IRAK1BP1: variants seen among roughly 807,000 people sequenced by gnomAD.
IRAK1BP1 encodes interleukin-1 receptor-associated kinase 1-binding protein 1.
Under a neutral mutation model 28.0 loss-of-function variants are expected in IRAK1BP1, and 24 were observed. The ratio of observed to expected loss-of-function variants is 0.86; its 90% confidence interval spans 0.62 to 1.20. The LOEUF is 1.20. Among genes scored for constraint, IRAK1BP1 ranks in the 50% most tolerant of loss-of-function variants. The pLI is 0.00. For synonymous variants in IRAK1BP1, 131 were observed against 116.3 expected (o/e 1.13, Z -0.81); for missense variants, 336 against 316.7 (o/e 1.06, Z -0.46).
the IRAK1BP1 span, chr6:78,978,706 C>A: frequency 6.3e-7 from 1 of 1,592,920 alleles, no homozygotes; most frequent in Non-Finnish European, 8.6e-7. Flanking sequence ...CTCCCACAGC[C>A]AATCTCTGAC....
At chr6:78,955,815 T>TC in the IRAK1BP1 span, 1 of 466,656 alleles carries the variant, frequency 2.1e-6, no homozygotes, top group Non-Finnish European at 3.9e-6. Context: ...ATTGGCTTAC[T>TC]CCAATAATTT....
chr6:78,973,944 ACT>A, the IRAK1BP1 span, among the ~76,000 whole-genome samples: 173 of 152,148 alleles, frequency 1.1e-3, no homozygotes, highest in African/African-American at 4.1e-3. Context: ...TTAACACCCC[ACT>A]GTCAACATTA....
downstream of IRAK1BP1, chr6:78,947,653 G>A: frequency 1.3e-6 from 2 of 1,489,302 alleles, no homozygotes; most frequent in Non-Finnish European, 9.4e-7. Context: ...TATATGCTTT[G>A]GAATTACTGA....
At chr6:78,949,453 A>G (rs2174739), downstream of IRAK1BP1, among the ~76,000 whole-genome samples, 69,225 of 151,776 alleles carry the variant, frequency 0.46, 16,391 homozygotes, top group East Asian at 0.69. Context: ...ATCATCTCAG[A>G]GCTGGGACCA....
intron 4 of IRAK1BP1, among the ~76,000 whole-genome samples, chr6:78,926,260 T>C (rs1772888233): frequency 6.6e-6 from 1 of 152,188 alleles, no homozygotes; most frequent in Admixed American, 6.5e-5. Flanking sequence ...GAAAGCAGTT[T>C]GGAGATTTTC....
chr6:78,893,306 G>GTATATATA (rs1355844985), intron 2 of IRAK1BP1, among the ~76,000 whole-genome samples: 3 of 97,856 alleles, frequency 3.1e-5, no homozygotes, highest in African/African-American at 1.2e-4. Flanking sequence ...GTGTGTGTGT[G>GTATATATA]TGTGTGTGTA....
At chr6:78,911,560 A>G (rs2127661869) in intron 4 of IRAK1BP1, among the ~76,000 whole-genome samples, 1 of 152,314 alleles carries the variant, frequency 6.6e-6, no homozygotes, top group Admixed American at 6.5e-5. Flanking sequence ...TTAAGTTGAA[A>G]ACTGATAACA....
chr6:78,954,712 G>A, the IRAK1BP1 span: 1 of 731,030 alleles, frequency 1.4e-6, no homozygotes, highest in Non-Finnish European at 2.2e-6. Context: ...AAATAATAAA[G>A]AAATAAACTA....
intron 4 of IRAK1BP1, among the ~76,000 whole-genome samples, chr6:78,926,730 C>T (rs1423311396): frequency 6.6e-6 from 1 of 152,062 alleles, no homozygotes; most frequent in Non-Finnish European, 1.5e-5. Flanking sequence ...CAACCATCCT[C>T]TACTCCCTAT....
chr6:78,931,633 G>A (rs1362289162), intron 4 of IRAK1BP1, among the ~76,000 whole-genome samples: 2 of 152,072 alleles, frequency 1.3e-5, no homozygotes, highest in Non-Finnish European at 2.9e-5. Flanking sequence ...CTGTTAGTCT[G>A]TTACATGTGC....
At chr6:78,968,802 C>T in the IRAK1BP1 span, among the ~76,000 whole-genome samples, 1 of 152,154 alleles carries the variant, frequency 6.6e-6, no homozygotes, top group Non-Finnish European at 1.5e-5. Context: ...CCCACAATCT[C>T]TAACAGCTCA....
At chr6:78,975,458 T>C in the IRAK1BP1 span, among the ~76,000 whole-genome samples, 1 of 152,166 alleles carries the variant, frequency 6.6e-6, no homozygotes, top group Admixed American at 6.5e-5. Context: ...CTTTGAAAAC[T>C]GGCACAAGAC....
chr6:78,971,551 C>T, the IRAK1BP1 span, among the ~76,000 whole-genome samples: 4 of 152,150 alleles, frequency 2.6e-5, no homozygotes, highest in Admixed American at 6.5e-5. Context: ...GGAACAGCTC[C>T]GGTCTACAGC....
At chr6:78,879,265 G>A (rs1771130228) in intron 1 of IRAK1BP1, among the ~76,000 whole-genome samples, 1 of 151,890 alleles carries the variant, frequency 6.6e-6, no homozygotes, top group African/African-American at 2.4e-5. Flanking sequence ...CGAGTTAATG[G>A]GTGCAGCACA....
At chr6:78,876,848 T>G (rs1771021188) in intron 1 of IRAK1BP1, among the ~76,000 whole-genome samples, 1 of 152,180 alleles carries the variant, frequency 6.6e-6, no homozygotes, top group African/African-American at 2.4e-5. Context: ...AGATGTCCCC[T>G]AGGGCAAAAT....
intron 1 of IRAK1BP1, among the ~76,000 whole-genome samples, chr6:78,884,548 T>C (rs1304976070): frequency 6.6e-6 from 1 of 152,144 alleles, no homozygotes; most frequent in Non-Finnish European, 1.5e-5. Flanking sequence ...TCAATAAATA[T>C]TTATATCATA....
At chr6:78,942,936 G>C (rs989493280) in intron 4 of IRAK1BP1, among the ~76,000 whole-genome samples, 1 of 152,110 alleles carries the variant, frequency 6.6e-6, no homozygotes, top group Non-Finnish European at 1.5e-5. Flanking sequence ...AAGGAATTCA[G>C]AAGTTTTTTA....
chr6:78,968,399 G>C, the IRAK1BP1 span, among the ~76,000 whole-genome samples: 1 of 152,164 alleles, frequency 6.6e-6, no homozygotes, highest in South Asian at 2.1e-4. Flanking sequence ...TGTATTGGCA[G>C]ATTCTGCATC....
intron 1 of IRAK1BP1, chr6:78,871,246 C>A: frequency 1.0e-6 from 1 of 984,702 alleles, no homozygotes; most frequent in Non-Finnish European, 1.2e-6. Flanking sequence ...AAAATGACCT[C>A]ACAATGTCTG....
Sources: gnomAD v4.1 joint callset for allele counts (sites outside exome capture counted in the v4.1 genomes callset) on GRCh38, gnomAD v4.1.1 for gene constraint, MANE v1.5 for transcripts, NCBI Gene and HGNC (gene_info 2026-07-23, HGNC 2026-07-21) for gene names.